Variants in GABRA5 observed in about 807,000 individuals in gnomAD.
The protein encoded by GABRA5 is gamma-aminobutyric acid receptor subunit alpha-5.
A neutral mutation model predicts 47.3 loss-of-function variants in GABRA5; 18 were observed. The ratio of observed to expected loss-of-function variants is 0.38; its 90% confidence interval spans 0.26 to 0.56. The LOEUF is 0.56. Among genes scored for constraint, GABRA5 ranks in the 20% least tolerant of loss-of-function variants. GABRA5 has a pLI of 0.71. For synonymous variants in GABRA5, 237 were observed against 229.3 expected, an observed-to-expected ratio of 1.03 and a Z score of -0.30; for missense variants, 365 against 599.3, an observed-to-expected ratio of 0.61 and a Z score of 4.08.
At chr15:26,913,301 C>A (rs1893643648) in intron 6 of GABRA5, among the ~76,000 whole-genome samples, 1 of 152,090 alleles carries the variant, frequency 6.6e-6, no homozygotes, top group African/African-American at 2.4e-5. Flanking sequence ...AACCTTCCGT[C>A]AAAAGTTGTG....
chr15:26,916,711 A>G (rs994526361), intron 7 of GABRA5, among the ~76,000 whole-genome samples: 1 of 152,076 alleles, frequency 6.6e-6, no homozygotes, highest in Non-Finnish European at 1.5e-5. Flanking sequence ...AACGAGTGGC[A>G]TCTTTCCATT....
chr15:26,933,853 T>C (rs1894166919), intron 7 of GABRA5, among the ~76,000 whole-genome samples: 1 of 152,160 alleles, frequency 6.6e-6, no homozygotes, highest in Non-Finnish European at 1.5e-5. Flanking sequence ...AGATAACATG[T>C]CTTTATCTGT....
intron 7 of GABRA5, among the ~76,000 whole-genome samples, chr15:26,919,876 G>T (rs1199786488): frequency 4.0e-5 from 6 of 151,878 alleles, no homozygotes; most frequent in African/African-American, 1.5e-4. Context: ...ATTTTTGAAG[G>T]AGAGTTCTGC....
chr15:26,905,370 T>C (rs1207435294), intron 6 of GABRA5, among the ~76,000 whole-genome samples: 2 of 152,168 alleles, frequency 1.3e-5, no homozygotes, highest in Middle Eastern at 3.4e-3. Context: ...TTTATGTTAC[T>C]TAGGATCCCT....
At chr15:26,930,016 T>TTG (rs1555392975) in intron 7 of GABRA5, among the ~76,000 whole-genome samples, 263 of 128,456 alleles carry the variant, frequency 2.0e-3, no homozygotes, top group African/African-American at 3.6e-3. Flanking sequence ...CTTTTTTTTT[T>TTG]TTTTTTGTTT....
chr15:26,947,425 T>C (rs1321123574), intron 10 of GABRA5, among the ~76,000 whole-genome samples: 1 of 152,182 alleles, frequency 6.6e-6, no homozygotes, highest in Non-Finnish European at 1.5e-5. Context: ...ATCATTCAGC[T>C]TCCCCTTGTA....
Position 26,898,592 on chromosome 15 carries a change from C to A in GABRA5, c.497+15035C>A, listed in dbSNP as rs539507520. Among the ~76,000 whole-genome samples the A allele has an allele frequency of 3.3e-5, 5 of 152,328 alleles. No homozygotes were observed. The South Asian group carries it at 1.0e-3, about 32-fold the overall frequency. ...GAAGACTGGCACCTGTAGGCAGGGACCCTGTGGGCCTTCACATCCCCAGTC... is the reference window on the plus strand; with the variant it reads ...GAAGACTGGCACCTGTAGGCAGGGAACCTGTGGGCCTTCACATCCCCAGTC... On this transcript the variant is annotated intron_variant, in intron 6 of 10. Coordinates refer to ENST00000335625, the MANE Select transcript of GABRA5 (RefSeq NM_000810.4).
intron 7 of GABRA5, among the ~76,000 whole-genome samples, chr15:26,919,383 T>G (rs968333520): frequency 1.3e-5 from 2 of 152,160 alleles, no homozygotes; most frequent in Non-Finnish European, 2.9e-5. Flanking sequence ...CTTTGATTCC[T>G]TTCTCTTCTT....
At chr15:26,939,331 G>T (rs767961487) in intron 8 of GABRA5, 1 of 765,310 alleles carries the variant, frequency 1.3e-6, no homozygotes, top group Non-Finnish European at 2.4e-6. Flanking sequence ...AGGCACTGGG[G>T]CATCGCCAAT....
chr15:26,916,212 T>G (rs1893713919), intron 7 of GABRA5, among the ~76,000 whole-genome samples: 1 of 152,214 alleles, frequency 6.6e-6, no homozygotes, highest in Non-Finnish European at 1.5e-5. Flanking sequence ...CTGTGACAAT[T>G]AGAATGTTTA....
At chr15:26,908,861 A>T (rs1417003622) in intron 6 of GABRA5, among the ~76,000 whole-genome samples, 1 of 152,206 alleles carries the variant, frequency 6.6e-6, no homozygotes, top group Non-Finnish European at 1.5e-5. Flanking sequence ...AGTGAACATG[A>T]TGTGAGCTAC....
chr15:26,883,151 G>C lies in GABRA5; in HGVS notation c.209-15G>C. Reference sequence around the variant, plus strand: ...GTGGGTCGGTGCAGCCCAGGGACCTGTGTCTGTCTTTCAGAGCGCATCACT... The same window carrying C: ...GTGGGTCGGTGCAGCCCAGGGACCTCTGTCTGTCTTTCAGAGCGCATCACT... On this transcript the variant is annotated splice_polypyrimidine_tract_variant and intron_variant, in intron 4 of 10. Coordinates refer to ENST00000335625, the MANE Select transcript of GABRA5 (RefSeq NM_000810.4). This position sits in a 1 kb window ranked among gnomAD's most constrained non-coding sequence, Gnocchi z 4.8. 1 of 1,612,560 alleles carries C rather than the reference G, an allele frequency of 6.2e-7. No individual in the cohort carries two copies. The highest frequency in any genetic ancestry group is 8.5e-7 in the Non-Finnish European group (1 of 1,178,600).
chr15:26,934,248 TAAA>T (rs776194243), intron 7 of GABRA5, among the ~76,000 whole-genome samples: 5 of 112,952 alleles, frequency 4.4e-5, no homozygotes, highest in Admixed American at 9.4e-5. Flanking sequence ...AGAGAATGTT[TAAA>T]AAAAAAAAAA....
At chr15:26,927,847 T>C (rs1270902886) in intron 7 of GABRA5, among the ~76,000 whole-genome samples, 1 of 152,222 alleles carries the variant, frequency 6.6e-6, no homozygotes, top group Non-Finnish European at 1.5e-5. Context: ...ATGAGCCACA[T>C]GCTCTAGTTT....
At chr15:26,875,590 A>T (rs1892576221) in intron 3 of GABRA5, among the ~76,000 whole-genome samples, 1 of 152,152 alleles carries the variant, frequency 6.6e-6, no homozygotes, top group Non-Finnish European at 1.5e-5. Context: ...TTGGCAGAGA[A>T]ACCTGAACTG....
chr15:26,872,308 A>G (rs1313317454), intron 3 of GABRA5, among the ~76,000 whole-genome samples: 1 of 152,178 alleles, frequency 6.6e-6, no homozygotes, highest in Admixed American at 6.5e-5. Flanking sequence ...GTATGAGCTG[A>G]GCACCGTTAG....
intron 8 of GABRA5, 101 bp downstream of exon 8, chr15:26,937,429 G>A: frequency 1.6e-6 from 2 of 1,276,240 alleles, no homozygotes; most frequent in South Asian, 1.5e-5. Flanking sequence ...CCACGTGGGA[G>A]GCCGCACAGC....
intron 7 of GABRA5, among the ~76,000 whole-genome samples, chr15:26,923,050 T>C (rs1595425116): frequency 6.6e-6 from 1 of 152,226 alleles, no homozygotes; most frequent in African/African-American, 2.4e-5. Flanking sequence ...TTAACACAGT[T>C]GTCTTAAATA....
intron 6 of GABRA5, among the ~76,000 whole-genome samples, chr15:26,893,291 GTGTGTGTATATGGTGTGT>G (rs1393006912): frequency 2.2e-5 from 1 of 45,194 alleles, no homozygotes; most frequent in East Asian, 8.7e-4. Context: ...GGCATATGGC[GTGTGTGTATATGGTGTGT>G]TGTGTGTATA....
Sources: allele counts gnomAD v4.1 joint callset (sites outside exome capture counted in the v4.1 genomes callset), GRCh38; gene constraint gnomAD v4.1.1; non-coding constraint Gnocchi (gnomAD v3.1); transcripts MANE v1.5; gene names NCBI Gene and HGNC (gene_info 2026-07-23, HGNC 2026-07-21).